Variants in BRINP1 observed in about 807,000 individuals in gnomAD.
BRINP1 encodes the protein BMP/retinoic acid-inducible neural-specific protein 1.
BRINP1 carries 17 observed loss-of-function variants against 72.9 expected under a neutral mutation model. The observed-to-expected ratio is 0.23, with a 90% CI of 0.16 to 0.35. The LOEUF is 0.35. BRINP1 is among the 10% of genes least tolerant of loss of function. The probability of loss-of-function intolerance (pLI) is 1.00; values close to 1 mark genes in which losing one functional copy is unlikely to be tolerated. For synonymous variants in BRINP1, 418 were observed against 378.5 expected (o/e 1.10, Z -1.21); for missense variants, 850 against 1,001.6 (o/e 0.85, Z 2.04).
intron 2 of BRINP1, among the ~76,000 whole-genome samples, chr9:119,299,181 G>A (rs1414446460): frequency 6.6e-6 from 1 of 151,962 alleles, no homozygotes; most frequent in Non-Finnish European, 1.5e-5. Context: ...TCTTAAATTT[G>A]TTCTTCCTAT....
At chr9:119,313,476 G>C in intron 1 of BRINP1, 71 bp from the exon 2 acceptor site, 4 of 1,331,162 alleles carry the variant, frequency 3.0e-6, no homozygotes, top group Non-Finnish European at 4.0e-6. Context: ...AGGGGAAGAG[G>C]AGTAAAAGAA....
intron 1 of BRINP1, among the ~76,000 whole-genome samples, chr9:119,326,433 T>A (rs939278458): frequency 6.6e-6 from 1 of 152,248 alleles, no homozygotes; most frequent in African/African-American, 2.4e-5. Flanking sequence ...GAAAACTGAA[T>A]AAAAGTTAAA....
chr9:119,293,942 A>C (rs1194493579), intron 2 of BRINP1, among the ~76,000 whole-genome samples: 1 of 152,162 alleles, frequency 6.6e-6, no homozygotes, highest in Non-Finnish European at 1.5e-5. Context: ...AAAAGTAATA[A>C]AAGTAATTCA....
intron 2 of BRINP1, among the ~76,000 whole-genome samples, chr9:119,281,101 A>G (rs1830706364): frequency 6.6e-6 from 1 of 152,188 alleles, no homozygotes; most frequent in Admixed American, 6.5e-5. Flanking sequence ...AAAGCCAGGG[A>G]GTCCAGCCAA....
At chr9:119,234,975 G>T (rs944135565) in intron 5 of BRINP1, among the ~76,000 whole-genome samples, 1 of 152,004 alleles carries the variant, frequency 6.6e-6, no homozygotes, top group East Asian at 1.9e-4. Flanking sequence ...TCACCCAATT[G>T]TCTAAATTCT....
chr9:119,309,392 C>G (rs2118991184), intron 2 of BRINP1, among the ~76,000 whole-genome samples: 1 of 152,282 alleles, frequency 6.6e-6, no homozygotes, highest in East Asian at 1.9e-4. Context: ...TTTTGAATCC[C>G]AGCTGTGCCA....
intron 7 of BRINP1, among the ~76,000 whole-genome samples, chr9:119,182,517 T>C (rs1829568833): frequency 1.3e-5 from 2 of 152,354 alleles, no homozygotes; most frequent in Admixed American, 1.3e-4. Context: ...TATTAGAAGA[T>C]GGTGCCTTTG....
chr9:119,205,188 G>A (rs1023618226), intron 7 of BRINP1, among the ~76,000 whole-genome samples: 10 of 152,104 alleles, frequency 6.6e-5, no homozygotes, highest in East Asian at 5.8e-4. Flanking sequence ...CCCACAGCCC[G>A]TCCAAGGAAG....
intron 1 of BRINP1, among the ~76,000 whole-genome samples, chr9:119,336,469 G>T (rs1020709882): frequency 5.3e-5 from 8 of 152,106 alleles, no homozygotes; most frequent in Admixed American, 5.2e-4. Context: ...GCTGTAATGT[G>T]TGTGAAGGAT....
At chr9:119,280,576 C>G (rs897187761) in intron 2 of BRINP1, among the ~76,000 whole-genome samples, 1 of 152,182 alleles carries the variant, frequency 6.6e-6, no homozygotes, top group African/African-American at 2.4e-5. Flanking sequence ...GCTGTTGAAT[C>G]AAACCCAATT....
At chr9:119,333,257 T>C (rs543568990) in intron 1 of BRINP1, among the ~76,000 whole-genome samples, 1 of 151,856 alleles carries the variant, frequency 6.6e-6, no homozygotes, top group Admixed American at 6.6e-5. Context: ...GCTCAGGAAT[T>C]TGAGACCAGC....
At chr9:119,233,198 A>C (rs759564754) in intron 5 of BRINP1, among the ~76,000 whole-genome samples, 8 of 152,066 alleles carry the variant, frequency 5.3e-5, no homozygotes, top group Non-Finnish European at 1.0e-4. Flanking sequence ...GAAGAGAGAA[A>C]TATAGAGGAA....
At chr9:119,360,149 C>T (rs975492626) in intron 1 of BRINP1, among the ~76,000 whole-genome samples, 2 of 152,228 alleles carry the variant, frequency 1.3e-5, no homozygotes, top group Non-Finnish European at 1.5e-5. Flanking sequence ...TCCCTAGCCT[C>T]GGCTAACTCT....
chr9:119,271,174 G>A, intron 2 of BRINP1, among the ~76,000 whole-genome samples: 1 of 151,944 alleles, frequency 6.6e-6, no homozygotes, highest in East Asian at 1.9e-4. Flanking sequence ...AAGTATTTTA[G>A]GCAAAGGGAA....
intron 1 of BRINP1, among the ~76,000 whole-genome samples, chr9:119,316,081 C>A (rs889954075): frequency 1.3e-5 from 2 of 152,106 alleles, no homozygotes; most frequent in Non-Finnish European, 2.9e-5. Flanking sequence ...CTACCCTAAA[C>A]AATCTATTTT....
chr9:119,226,618 C>A (rs886098798), intron 5 of BRINP1, among the ~76,000 whole-genome samples: 10 of 151,966 alleles, frequency 6.6e-5, no homozygotes, highest in Non-Finnish European at 5.9e-5. Context: ...GCTCTTTTTA[C>A]AGTCATATAC....
At chr9:119,262,227 T>C (rs755302214) in intron 2 of BRINP1, among the ~76,000 whole-genome samples, 13 of 152,210 alleles carry the variant, frequency 8.5e-5, no homozygotes, top group Non-Finnish European at 1.3e-4. Context: ...AGCAAGCTAA[T>C]TGCCCATTAT....
intron 1 of BRINP1, among the ~76,000 whole-genome samples, chr9:119,324,237 A>G (rs973349616): frequency 2.4e-4 from 36 of 152,122 alleles, no homozygotes; most frequent in African/African-American, 8.7e-4. Context: ...TAGAATTTCT[A>G]GTGTACTTGT....
chr9:119,362,887 C>A (rs914529165), intron 1 of BRINP1, among the ~76,000 whole-genome samples: 1 of 152,196 alleles, frequency 6.6e-6, no homozygotes, highest in Non-Finnish European at 1.5e-5. Context: ...TCTCTTTAGT[C>A]CTCAAACTAC....
Sources: allele counts gnomAD v4.1 joint callset (sites outside exome capture counted in the v4.1 genomes callset), GRCh38; gene constraint gnomAD v4.1.1; transcripts MANE v1.5; gene names NCBI Gene and HGNC (gene_info 2026-07-23, HGNC 2026-07-21).